The following TRPS1 variants were observed in gnomAD, a reference collection of about 807,000 sequenced individuals.
TRPS1 encodes transcriptional repressor GATA binding 1.
In TRPS1, 6 loss-of-function variants were observed where a neutral mutation model predicts 101.2. That is an observed-to-expected ratio of 0.06 (90% CI 0.03 to 0.12). The LOEUF is 0.12. Among genes scored for constraint, TRPS1 ranks in the 10% least tolerant of loss-of-function variants. The pLI is 1.00. For synonymous variants in TRPS1, 578 were observed against 589.8 expected (o/e 0.98, Z 0.29); for missense variants, 1,363 against 1,567.0 (o/e 0.87, Z 2.20).
rs550523076 is a variant in TRPS1, at chr8:115,472,443, T to C, written c.2701-53991A>G. On this transcript the variant is annotated intron_variant, in intron 5 of 6. Coordinates refer to ENST00000395715, the MANE Select transcript of TRPS1 (RefSeq NM_014112.5). ...GGGTCCAGCCCAGGAAACCATTTTTTCTTCCTAGGCCTCTGGGCCTGTGAT... is the reference window on the plus strand; with the variant it reads ...GGGTCCAGCCCAGGAAACCATTTTTCCTTCCTAGGCCTCTGGGCCTGTGAT... Among the ~76,000 whole-genome samples, 7 of 152,278 alleles carry C rather than the reference T, an allele frequency of 4.6e-5. No individual in the cohort carries two copies. In the South Asian group the frequency reaches 1.5e-3, roughly 32 times the overall value.
At chr8:115,581,117 C>T (rs1015634351) in intron 5 of TRPS1, among the ~76,000 whole-genome samples, 3 of 151,344 alleles carry the variant, frequency 2.0e-5, no homozygotes, top group Non-Finnish European at 2.9e-5. Flanking sequence ...ATAGAACAGG[C>T]GAACGTTATT....
intron 5 of TRPS1, among the ~76,000 whole-genome samples, chr8:115,560,789 C>T: frequency 6.6e-6 from 1 of 152,066 alleles, no homozygotes; most frequent in African/African-American, 2.4e-5. Context: ...ATTTTTCACT[C>T]CTCTTTCGAC....
At chr8:115,579,571 A>G (rs1817395877) in intron 5 of TRPS1, among the ~76,000 whole-genome samples, 3 of 152,116 alleles carry the variant, frequency 2.0e-5, no homozygotes, top group Admixed American at 2.0e-4. Flanking sequence ...AATCTTTTCC[A>G]TTTTGTACCT....
intron 5 of TRPS1, among the ~76,000 whole-genome samples, chr8:115,491,288 G>T (rs889281191): frequency 6.6e-6 from 1 of 152,120 alleles, no homozygotes; most frequent in African/African-American, 2.4e-5. Context: ...CCAAATAAGG[G>T]AGTTTTTGCA....
chr8:115,461,298 T>TAGAC (rs1224884429), intron 5 of TRPS1, among the ~76,000 whole-genome samples: 7 of 38,498 alleles, frequency 1.8e-4, no homozygotes, highest in South Asian at 9.8e-4. Context: ...GATAGATAGA[T>TAGAC]AGACAGATAC....
intron 5 of TRPS1, among the ~76,000 whole-genome samples, chr8:115,498,411 CTCTCTATATA>C (rs1268979818): frequency 9.8e-4 from 71 of 72,654 alleles, no homozygotes; most frequent in African/African-American, 2.7e-3. Context: ...CTCTCTCTCT[CTCTCTATATA>C]TATATATATA....
intron 1 of TRPS1, among the ~76,000 whole-genome samples, chr8:115,625,753 T>A (rs908516258): frequency 2.0e-5 from 3 of 151,938 alleles, no homozygotes; most frequent in African/African-American, 7.2e-5. Flanking sequence ...TGCATATATA[T>A]GTACAGACAC....
intron 5 of TRPS1, among the ~76,000 whole-genome samples, chr8:115,544,357 T>C (rs190674655): frequency 3.9e-5 from 6 of 151,906 alleles, no homozygotes; most frequent in Admixed American, 3.9e-4. Flanking sequence ...TTCCTGACCC[T>C]GAGGAATGTC....
rs1286979743 is a variant in TRPS1, at chr8:115,413,765, C to A, written c.*258G>T. On this transcript the variant is annotated 3_prime_UTR_variant, in exon 7 of 7. Transcript: ENST00000395715. The stretch of plus-strand genomic sequence containing the variant: ...GGATTATTTCCCCAGTACATATTAG[C>A]CAAGATGGTTTTGACTTAACAGGTT... 8.5e-6 allele frequency: 4 copies of A among 468,000 alleles called. No individual in the cohort carries two copies. The East Asian group carries it at 1.7e-4, about 19-fold the overall frequency. The allele number at this position is 468,000 out of a possible 1,614,324, so 29.0% of individuals were successfully genotyped here.
intron 5 of TRPS1, among the ~76,000 whole-genome samples, chr8:115,511,752 C>T (rs1178574216): frequency 1.3e-5 from 2 of 151,810 alleles, no homozygotes; most frequent in Non-Finnish European, 1.5e-5. Flanking sequence ...TAGGGTGAAT[C>T]GCTTGCAAGT....
chr8:115,501,162 A>G (rs1284453868), intron 5 of TRPS1, among the ~76,000 whole-genome samples: 1 of 152,146 alleles, frequency 6.6e-6, no homozygotes, highest in Non-Finnish European at 1.5e-5. Context: ...AGAATCTCAA[A>G]TCATATTTTC....
At chr8:115,513,618 T>TA (rs1815637035) in intron 5 of TRPS1, among the ~76,000 whole-genome samples, 1 of 151,710 alleles carries the variant, frequency 6.6e-6, no homozygotes, top group South Asian at 2.1e-4. Flanking sequence ...TTCATTTACT[T>TA]ATTGTGTATG....
At chr8:115,656,395 T>C (rs1811677255) in intron 1 of TRPS1, among the ~76,000 whole-genome samples, 1 of 152,134 alleles carries the variant, frequency 6.6e-6, no homozygotes, top group South Asian at 2.1e-4. Context: ...CAGATTTAAT[T>C]TTTAACCCTG....
At chr8:115,581,085 T>C (rs2130427574) in intron 5 of TRPS1, among the ~76,000 whole-genome samples, 1 of 152,102 alleles carries the variant, frequency 6.6e-6, no homozygotes, top group East Asian at 1.9e-4. Context: ...AGAATAAAAT[T>C]CTGTCACTTG....
chr8:115,498,409 CTCTCTCTATATATATATATA>C (rs1426805711), intron 5 of TRPS1, among the ~76,000 whole-genome samples: 1,052 of 80,884 alleles, frequency 0.013, 23 homozygotes, highest in African/African-American at 0.065. Context: ...CTCTCTCTCT[CTCTCTCTATATATATATATA>C]TATATATATA....
At chr8:115,579,826 A>G (rs1450363506) in intron 5 of TRPS1, among the ~76,000 whole-genome samples, 1 of 152,152 alleles carries the variant, frequency 6.6e-6, no homozygotes, top group African/African-American at 2.4e-5. Context: ...GCAAGTTAAC[A>G]TATAAAATTA....
At chr8:115,438,116 C>T (rs972640184) in intron 5 of TRPS1, among the ~76,000 whole-genome samples, 1 of 152,056 alleles carries the variant, frequency 6.6e-6, no homozygotes. Context: ...TCACTTACTC[C>T]CTAAAGCATG....
At chr8:115,465,751 C>G (rs1453642825) in intron 5 of TRPS1, among the ~76,000 whole-genome samples, 1 of 152,068 alleles carries the variant, frequency 6.6e-6, no homozygotes, top group Non-Finnish European at 1.5e-5. Context: ...ATGCTGGGCT[C>G]TCATTTACAA....
intron 5 of TRPS1, among the ~76,000 whole-genome samples, chr8:115,569,814 C>T (rs1817157684): frequency 6.6e-6 from 1 of 151,994 alleles, no homozygotes; most frequent in Non-Finnish European, 1.5e-5. Context: ...TTTGTTTCAA[C>T]ACTTGCCAGC....
Sources: allele counts gnomAD v4.1 joint callset (sites outside exome capture counted in the v4.1 genomes callset), GRCh38; gene constraint gnomAD v4.1.1; transcripts MANE v1.5; gene names NCBI Gene and HGNC (gene_info 2026-07-23, HGNC 2026-07-21).